Variants in PHLDB2 observed in about 807,000 individuals in gnomAD.
PHLDB2 encodes pleckstrin homology like domain family B member 2.
In PHLDB2, 71 loss-of-function variants were observed where a neutral mutation model predicts 123.6. The ratio of observed to expected loss-of-function variants is 0.57; its 90% CI spans 0.47 to 0.70. The LOEUF (loss-of-function observed/expected upper bound fraction) is 0.70, where lower values mean the gene tolerates loss of function less well. Ranked by LOEUF, PHLDB2 falls within the 30% of genes least tolerant of loss-of-function variation. The pLI is 0.00. For missense variants in PHLDB2, 1,446 were observed against 1,519.5 expected (o/e 0.95, Z 0.80); for synonymous variants, 547 against 541.6 (o/e 1.01, Z -0.14).
intron 1 of PHLDB2, among the ~76,000 whole-genome samples, chr3:111,762,481 G>T (rs777518633): frequency 2.0e-5 from 3 of 152,074 alleles, no homozygotes; most frequent in African/African-American, 4.8e-5. Flanking sequence ...TTGCCCAAGG[G>T]CATCCTAGGG....
chr3:111,835,761 A>G (rs1235366135), intron 1 of PHLDB2, among the ~76,000 whole-genome samples: 2 of 152,196 alleles, frequency 1.3e-5, no homozygotes, highest in East Asian at 3.8e-4. Context: ...CTGGGTCCTC[A>G]GCAGGAGCTG....
chr3:111,881,358 G>A (rs930029743), intron 1 of PHLDB2, among the ~76,000 whole-genome samples: 2 of 152,108 alleles, frequency 1.3e-5, no homozygotes, highest in African/African-American at 4.8e-5. Flanking sequence ...TGGGTCCCAT[G>A]GTGTTATTCA....
At chr3:111,956,365 G>A (rs1219359575) in intron 12 of PHLDB2, among the ~76,000 whole-genome samples, 4 of 152,190 alleles carry the variant, frequency 2.6e-5, no homozygotes, top group Non-Finnish European at 5.9e-5. Context: ...ATTCTAATCT[G>A]TTTTCCCCTG....
chr3:111,775,078 G>C (rs1399526392), intron 1 of PHLDB2, among the ~76,000 whole-genome samples: 1 of 152,170 alleles, frequency 6.6e-6, no homozygotes, highest in African/African-American at 2.4e-5. Flanking sequence ...AATAATCATA[G>C]CTATCAATCA....
At chr3:111,816,557 T>A (rs893073998) in intron 1 of PHLDB2, among the ~76,000 whole-genome samples, 1 of 152,202 alleles carries the variant, frequency 6.6e-6, no homozygotes, top group East Asian at 1.9e-4. Flanking sequence ...TTTCTCCCAT[T>A]TGGAATGGCT....
intron 1 of PHLDB2, among the ~76,000 whole-genome samples, chr3:111,787,148 T>A (rs2060710808): frequency 6.6e-6 from 1 of 152,232 alleles, no homozygotes; most frequent in East Asian, 1.9e-4. Flanking sequence ...GTGTTGGATG[T>A]CTTTAACTGC....
chr3:111,780,399 A>AGAAGAAG (rs1553726801), intron 1 of PHLDB2, among the ~76,000 whole-genome samples: 5,491 of 74,388 alleles, frequency 0.074, 2,009 homozygotes, highest in Middle Eastern at 0.13. Flanking sequence ...AAGAAGAAGA[A>AGAAGAAG]GAAGAAGAAG....
intron 1 of PHLDB2, among the ~76,000 whole-genome samples, chr3:111,836,770 G>A (rs2063423080): frequency 6.6e-6 from 1 of 152,114 alleles, no homozygotes; most frequent in South Asian, 2.1e-4. Context: ...GAGGGGGACT[G>A]CCAAAAACTT....
chr3:111,872,266 T>C (rs2065376209), intron 1 of PHLDB2, among the ~76,000 whole-genome samples: 1 of 152,228 alleles, frequency 6.6e-6, no homozygotes. Flanking sequence ...AGGGATCATA[T>C]AGTTTCACTG....
intron 1 of PHLDB2, among the ~76,000 whole-genome samples, chr3:111,866,180 A>C (rs76993177): frequency 6.0e-4 from 91 of 151,820 alleles, no homozygotes; most frequent in African/African-American, 2.2e-3. Flanking sequence ...CACCACACCC[A>C]GCTAATTTCT....
At chr3:111,954,798 G>A (rs1044160736) in intron 12 of PHLDB2, among the ~76,000 whole-genome samples, 1 of 152,192 alleles carries the variant, frequency 6.6e-6, no homozygotes, top group African/African-American at 2.4e-5. Flanking sequence ...GTCTATTGAG[G>A]AAGAAAGACA....
intron 2 of PHLDB2, among the ~76,000 whole-genome samples, chr3:111,900,945 A>T (rs190487523): frequency 1.6e-3 from 249 of 151,650 alleles, no homozygotes; most frequent in Middle Eastern, 6.8e-3. Context: ...TATGTTGATG[A>T]GGCTGGCTTC....
At position 111,859,474 on chromosome 3, in the gene PHLDB2, T is replaced by C. The variant is rs2064683151; in HGVS notation, c.-117T>C. Reference sequence around the variant, plus strand: ...GGACCCAGCCGCGCGGAGCCCACCATTGCGGCCCGAGGGGGACCCGACGGG... The same window carrying C: ...GGACCCAGCCGCGCGGAGCCCACCACTGCGGCCCGAGGGGGACCCGACGGG... On this transcript the variant is annotated 5_prime_UTR_variant, in exon 1 of 18. Transcript: ENST00000431670. The C allele has an allele frequency of 4.1e-6, 4 of 985,528 alleles. No homozygotes were observed. The highest frequency in any genetic ancestry group is 5.2e-4 in the Middle Eastern group (1 of 1,914). The allele number at this position is 985,528 out of a possible 1,614,324, so 61.0% of individuals were successfully genotyped here.
chr3:111,945,454 C>A, intron 9 of PHLDB2, 97 bp downstream of exon 9: 1 of 947,510 alleles, frequency 1.1e-6, no homozygotes, highest in Non-Finnish European at 1.6e-6. Context: ...AATATTAACT[C>A]AAAGGACCTG....
At chr3:111,756,118 A>G (rs2059884041) in intron 1 of PHLDB2, among the ~76,000 whole-genome samples, 1 of 152,094 alleles carries the variant, frequency 6.6e-6, no homozygotes. Context: ...TGCTGAAAAA[A>G]ATGTATATTC....
intron 1 of PHLDB2, among the ~76,000 whole-genome samples, chr3:111,869,117 T>A (rs1359066199): frequency 6.6e-6 from 1 of 152,212 alleles, no homozygotes; most frequent in Non-Finnish European, 1.5e-5. Context: ...TGCTGTTGAT[T>A]GTGATTACTT....
At chr3:111,954,178 A>T in intron 12 of PHLDB2, 149 bp downstream of exon 12, 1 of 627,162 alleles carries the variant, frequency 1.6e-6, no homozygotes, top group Non-Finnish European at 2.7e-6. Context: ...TTCGGGAGGG[A>T]TATATAACTT....
intron 5 of PHLDB2, among the ~76,000 whole-genome samples, chr3:111,926,791 GA>G (rs140805355): frequency 0.014 from 2,101 of 152,104 alleles, 52 homozygotes; most frequent in African/African-American, 0.048. Context: ...GTTTCATGGG[GA>G]AAAAAAGTAA....
Position 111,913,715 on chromosome 3 carries a change from C to A in PHLDB2, c.1719+13C>A. 1 of 1,599,624 alleles carries A rather than the reference C, an allele frequency of 6.3e-7. No homozygotes were observed. The highest frequency in any genetic ancestry group is 2.2e-5 in the East Asian group (1 of 44,844). On this transcript the variant is annotated intron_variant, in intron 3 of 17. Transcript: ENST00000431670. The stretch of plus-strand genomic sequence containing the variant: ...TATCCTACCAAAGGTAATGTTGGCC[C>A]AGCAAAGATACTAGGATTTAAGGTC...
Sources: gnomAD v4.1 joint callset for allele counts (sites outside exome capture counted in the v4.1 genomes callset) on GRCh38, gnomAD v4.1.1 for gene constraint, MANE v1.5 for transcripts, NCBI Gene and HGNC (gene_info 2026-07-23, HGNC 2026-07-21) for gene names.